Variants in TSPEAR observed in about 807,000 individuals in gnomAD.
TSPEAR encodes thrombospondin type laminin G domain and EAR repeats.
Under a neutral mutation model 71.6 loss-of-function variants are expected in TSPEAR, and 69 were observed. The observed-to-expected ratio is 0.96, with a 90% CI of 0.79 to 1.18. The LOEUF (loss-of-function observed/expected upper bound fraction) is 1.18, where lower values mean the gene tolerates loss of function less well. TSPEAR is among the 50% of genes most tolerant of loss of function. TSPEAR has a pLI of 0.00. For synonymous variants in TSPEAR, 402 were observed against 387.2 expected (o/e 1.04, Z -0.45); for missense variants, 971 against 894.9 (o/e 1.09, Z -1.09).
chr21:44,584,541 C>G (rs1228014657), intron 1 of TSPEAR, among the ~76,000 whole-genome samples: 2 of 152,194 alleles, frequency 1.3e-5, no homozygotes, highest in Non-Finnish European at 2.9e-5. Context: ...CTTAGTTTTT[C>G]TTTAACATAG....
chr21:44,664,459 G>A (rs1555944289), intron 1 of TSPEAR, among the ~76,000 whole-genome samples: 1 of 152,086 alleles, frequency 6.6e-6, no homozygotes, highest in Non-Finnish European at 1.5e-5. Flanking sequence ...ACCATGTTAT[G>A]GATTGCTGGA....
chr21:44,640,519 G>C (rs1161943511), intron 1 of TSPEAR, among the ~76,000 whole-genome samples: 2 of 152,200 alleles, frequency 1.3e-5, no homozygotes, highest in Non-Finnish European at 2.9e-5. Context: ...CTTACAGTGG[G>C]TGAACTTCAT....
At position 44,681,990 on chromosome 21, in the gene TSPEAR, C is replaced by T. The variant is rs1555948109; in HGVS notation, c.82+29443G>A. 4.3e-6 allele frequency: 7 copies of T among 1,609,558 alleles called. No homozygotes were observed. The South Asian group carries it at 5.5e-5, about 13-fold the overall frequency. On this transcript the variant is annotated intron_variant, in intron 1 of 11. Coordinates refer to ENST00000323084, the MANE Select transcript of TSPEAR (RefSeq NM_144991.3). ...AGAGGACTGGCATCTCACGGGCACA[C>T]ACACGGCTGGCTTGAAGCTCACGGG... is the stretch of plus-strand genomic sequence containing the variant.
At chr21:44,683,034 CCCA>C (rs1986685342) in intron 1 of TSPEAR, among the ~76,000 whole-genome samples, 1 of 152,050 alleles carries the variant, frequency 6.6e-6, no homozygotes, top group African/African-American at 2.4e-5. Context: ...CCCTCCAGTC[CCCA>C]CGTCGACATC....
chr21:44,591,613 G>A (rs1481420115), intron 1 of TSPEAR: 1 of 1,613,612 alleles, frequency 6.2e-7, no homozygotes, highest in African/African-American at 1.3e-5. Context: ...GGTGCAGCAA[G>A]CCGGCTGGCA....
Position 44,520,784 on chromosome 21 carries a change from TC to T in TSPEAR, c.1566+1098del, listed in dbSNP as rs1555914167. 2.0e-5 allele frequency: 3 copies of T among 152,276 alleles called. No individual in the cohort carries two copies. The highest frequency in any genetic ancestry group is 4.4e-5 in the Non-Finnish European group (3 of 68,074). The allele number at this position is 152,276 out of a possible 1,614,324, so 9.4% of individuals were successfully genotyped here. A position where few individuals can be genotyped will look rare whatever the true frequency, so the allele number is the denominator to read the frequency against. On this transcript the variant is annotated intron_variant, in intron 9 of 11. Transcript: ENST00000323084. This position sits in a 1 kb window ranked among gnomAD's most constrained non-coding sequence, Gnocchi z 4.2. ...GTATGGAATGTTATGTATGGAATGT[TC>T]CAGAATGCCTTCAATCATTTCAGCC...
At chr21:44,654,502 G>A (rs1555942174) in intron 1 of TSPEAR, 2 of 1,613,696 alleles carry the variant, frequency 1.2e-6, no homozygotes, top group South Asian at 2.2e-5. Flanking sequence ...ACAGGGGGCT[G>A]AGCAGCAGCA....
At chr21:44,616,644 A>G (rs1982114979) in intron 1 of TSPEAR, among the ~76,000 whole-genome samples, 1 of 152,192 alleles carries the variant, frequency 6.6e-6, no homozygotes, top group South Asian at 2.1e-4. Flanking sequence ...CTGGAACCCG[A>G]GACCCTGCCC....
In TSPEAR at chr21:44,637,708, T is replaced by C. The variant is rs55677560; in HGVS notation, c.83-69703A>G. The C allele has an allele frequency of 3.5e-4, 168 of 483,020 alleles. 2 individuals carry two copies. The highest frequency in any genetic ancestry group is 1.2e-3 in the African/African-American group (23 of 19,584). 29.9% of individuals were successfully genotyped at this position (483,020 alleles called of 1,614,324 possible). A position where few individuals can be genotyped will look rare whatever the true frequency, so the allele number is the denominator to read the frequency against. On this transcript the variant is annotated intron_variant, in intron 1 of 11. Transcript: ENST00000323084. ...CCTGCCAGCAGGCCTGCTGTGTGCC[T>C]GTCTGCTGTGTGCCCGTCTGCTGCG... is the stretch of plus-strand genomic sequence containing the variant.
intron 1 of TSPEAR, among the ~76,000 whole-genome samples, chr21:44,604,194 G>T (rs1981165300): frequency 1.3e-5 from 2 of 152,234 alleles, no homozygotes; most frequent in African/African-American, 4.8e-5. Context: ...GGCGCAGCAT[G>T]CTTGGATGGC....
chr21:44,690,780 G>A (rs1440617827), intron 1 of TSPEAR, among the ~76,000 whole-genome samples: 1 of 152,082 alleles, frequency 6.6e-6, no homozygotes, highest in African/African-American at 2.4e-5. Context: ...ATTTTTGTTT[G>A]TCTGTTTGTT....
chr21:44,533,913 T>C lies in TSPEAR; in HGVS notation c.314A>G (p.Tyr105Cys). ...VPNLPPKRNE[Y>C]LLTVVAEESD... Reference sequence around the variant, plus strand: ...CTCCTCTGCCACCACCGTCAGCAGGTACTCGTTCCTCTGTGGAGAGCGGGC... The same window carrying C: ...CTCCTCTGCCACCACCGTCAGCAGGCACTCGTTCCTCTGTGGAGAGCGGGC... Residue 105 changes from tyrosine to cysteine, a missense_variant, in exon 3 of 12, where the codon TAC becomes TGC. Tyr to Cys is a radical substitution (Grantham distance 194, BLOSUM62 -2). Coordinates refer to ENST00000323084, the MANE Select transcript of TSPEAR (RefSeq NM_144991.3). The C allele has an allele frequency of 1.9e-6, 3 of 1,610,696 alleles. No individual in the cohort carries two copies. Among genetic ancestry groups the C allele is most frequent in the South Asian group, 2.2e-5 (2 of 90,938 alleles).
intron 1 of TSPEAR, chr21:44,638,054 G>A (rs1555937549): frequency 6.2e-7 from 1 of 1,613,100 alleles, no homozygotes. Context: ...CGGTGCCTCT[G>A]CCTCCTCCTG....
At chr21:44,661,517 C>A (rs902987890) in intron 1 of TSPEAR, among the ~76,000 whole-genome samples, 2 of 152,146 alleles carry the variant, frequency 1.3e-5, no homozygotes, top group Non-Finnish European at 2.9e-5. Flanking sequence ...TATTGTAACT[C>A]TTAGGCCAAA....
chr21:44,600,561 C>T (rs1980726087), intron 1 of TSPEAR: 2 of 1,549,268 alleles, frequency 1.3e-6, no homozygotes, highest in African/African-American at 1.5e-5. Context: ...AACACACGGA[C>T]TCACTCACTC....
chr21:44,539,122 G>C, intron 2 of TSPEAR: 2 of 1,106,028 alleles, frequency 1.8e-6, no homozygotes, highest in Non-Finnish European at 2.5e-6. Flanking sequence ...GAAGGCAAGA[G>C]CTGGGGAGCT....
At chr21:44,519,965 A>C (rs1555914039) in intron 9 of TSPEAR, 1 of 152,252 alleles carries the variant, frequency 6.6e-6, no homozygotes, top group African/African-American at 2.4e-5. Context: ...CAATGGCTGG[A>C]AGGAATCTTG....
At chr21:44,586,996 T>C (rs1979379329) in intron 1 of TSPEAR, among the ~76,000 whole-genome samples, 1 of 152,116 alleles carries the variant, frequency 6.6e-6, no homozygotes, top group Non-Finnish European at 1.5e-5. Flanking sequence ...GGATGCCCAT[T>C]CTCACCACTT....
At chr21:44,503,347 C>A (rs868994304) in intron 11 of TSPEAR, among the ~76,000 whole-genome samples, 177 of 130,914 alleles carry the variant, frequency 1.4e-3, no homozygotes, top group African/African-American at 4.7e-3. Flanking sequence ...CGGGGGGAAG[C>A]AAGGCTCTGG....
Sources: allele counts gnomAD v4.1 joint callset (sites outside exome capture counted in the v4.1 genomes callset), GRCh38; gene constraint gnomAD v4.1.1; non-coding constraint Gnocchi (gnomAD v3.1); transcripts MANE v1.5; gene names NCBI Gene and HGNC (gene_info 2026-07-23, HGNC 2026-07-21).